The following USP9X variants were observed in gnomAD, a reference collection of about 807,000 sequenced individuals.
USP9X encodes ubiquitin specific peptidase 9 X-linked.
In USP9X, 7 loss-of-function variants were observed where a neutral mutation model predicts 190.3. The observed-to-expected ratio is 0.04, with a 90% CI of 0.02 to 0.07. USP9X has a LOEUF of 0.07. Ranked by LOEUF, USP9X falls within the 10% of genes least tolerant of loss-of-function variation. The pLI, the probability that USP9X is intolerant of heterozygous loss-of-function variation, is 1.00. For missense variants in USP9X, 1,010 were observed against 1,916.9 expected (o/e 0.53, Z 8.83); for synonymous variants, 645 against 659.5 (o/e 0.98, Z 0.34).
intron 21 of USP9X, among the ~76,000 whole-genome samples, chrX:41,182,440 C>T (rs2062835951): frequency 9.1e-6 from 1 of 109,514 alleles, no homozygotes; most frequent in African/African-American, 3.3e-5. Flanking sequence ...CTCCTACTCC[C>T]CTTTGCCTCC....
At chrX:41,226,573 G>A (rs950204373) in intron 41 of USP9X, among the ~76,000 whole-genome samples, 2 of 112,055 alleles carry the variant, frequency 1.8e-5, no homozygotes, top group Non-Finnish European at 3.8e-5. Flanking sequence ...TGGGGATTGC[G>A]AAAGCCAGAA....
intron 26 of USP9X, among the ~76,000 whole-genome samples, chrX:41,193,626 T>C (rs1471110032): frequency 8.9e-6 from 1 of 111,901 alleles, no homozygotes; most frequent in African/African-American, 3.3e-5. Context: ...ATCGTGCCAC[T>C]GCACTCTAGC....
chrX:41,202,538 A>G (rs2063052484), intron 31 of USP9X, among the ~76,000 whole-genome samples: 1 of 111,689 alleles, frequency 9.0e-6, no homozygotes, highest in Admixed American at 9.6e-5. Flanking sequence ...CAGTTGCCAG[A>G]ACTGATTTTG....
intron 41 of USP9X, among the ~76,000 whole-genome samples, chrX:41,227,488 C>A (rs2063323874): frequency 9.0e-6 from 1 of 111,685 alleles, no homozygotes; most frequent in Non-Finnish European, 1.9e-5. Flanking sequence ...ATCATGAATG[C>A]ATTTGATGGA....
At chrX:41,207,088 T>TA (rs2147219314) in intron 32 of USP9X, among the ~76,000 whole-genome samples, 1 of 84,113 alleles carries the variant, frequency 1.2e-5, no homozygotes, top group African/African-American at 4.5e-5. Context: ...CCTTTTTTTT[T>TA]TTTTTTTTTT....
Position 41,123,513 on chromosome X carries a change from AC to A in USP9X, c.-114del. The A allele has an allele frequency of 1.7e-6, 1 of 587,660 alleles. No individual in the cohort carries two copies. Among genetic ancestry groups the A allele is most frequent in the East Asian group, 3.6e-5 (1 of 27,535 alleles). The allele number at this position is 587,660 out of a possible 1,213,427, so 48.4% of individuals were successfully genotyped here. ...GCAAGATGGTTTATTCTTGAATTGG[AC>A]CTTTTTAAGACTGACAAATGCTGGT... On this transcript the variant is annotated 5_prime_UTR_variant, in exon 2 of 45. It introduces an in-frame stop codon into an upstream open reading frame of the 5' UTR. Coordinates refer to ENST00000378308, the MANE Select transcript of USP9X (RefSeq NM_001039591.3).
At chrX:41,129,275 T>C (rs2062286544) in intron 3 of USP9X, 130 bp downstream of exon 3, 1 of 651,103 alleles carries the variant, frequency 1.5e-6, no homozygotes, top group African/African-American at 2.3e-5. Context: ...ATTTAATAAA[T>C]GAAAGGGAGT....
At chrX:41,203,744 C>T (rs1264508874) in intron 31 of USP9X, among the ~76,000 whole-genome samples, 1 of 111,023 alleles carries the variant, frequency 9.0e-6, no homozygotes, top group Non-Finnish European at 1.9e-5. Context: ...GTCACACAGG[C>T]TGGAGTGCAG....
chrX:41,191,901 A>G (rs2062939043), intron 26 of USP9X, among the ~76,000 whole-genome samples: 1 of 111,826 alleles, frequency 8.9e-6, no homozygotes, highest in African/African-American at 3.3e-5. Context: ...TGTGCATAAA[A>G]GTAGAAGATG....
chrX:41,170,288 G>A (rs1031514337), intron 19 of USP9X, 53 bp downstream of exon 19: 18 of 1,141,606 alleles, frequency 1.6e-5, no homozygotes, highest in East Asian at 1.2e-4. Flanking sequence ...AGAGACTATC[G>A]TTTAATCAGT....
At chrX:41,173,918 C>T (rs1263549679) in intron 21 of USP9X, among the ~76,000 whole-genome samples, 1 of 111,979 alleles carries the variant, frequency 8.9e-6, no homozygotes, top group East Asian at 2.8e-4. Flanking sequence ...CAGATAATGA[C>T]GTTTCAGTCA....
At chrX:41,128,957 T>C (rs906242818) in intron 2 of USP9X, 43 bp from the exon 3 acceptor site, 7 of 1,169,930 alleles carry the variant, frequency 6.0e-6, no homozygotes, top group South Asian at 3.7e-5. Flanking sequence ...ATTTTACATA[T>C]GTTATAGAAA....
chrX:41,214,475 TTAAAA>T (rs920991314), intron 33 of USP9X, 88 bp from the exon 34 acceptor site: 17 of 891,286 alleles, frequency 1.9e-5, no homozygotes, highest in Non-Finnish European at 2.2e-5. Context: ...AAAGTATAAT[TTAAAA>T]AAAAAAGGCA....
chrX:41,181,484 T>G (rs1422006944), intron 21 of USP9X, among the ~76,000 whole-genome samples: 2 of 87,612 alleles, frequency 2.3e-5, no homozygotes, highest in African/African-American at 8.5e-5. Context: ...AGTCTCACAC[T>G]GTCGCCCAGG....
chrX:41,112,835 G>T (rs867510082), intron 1 of USP9X, among the ~76,000 whole-genome samples: 3 of 112,568 alleles, frequency 2.7e-5, no homozygotes, highest in Non-Finnish European at 5.6e-5. Flanking sequence ...TTAGAGTCAA[G>T]ATTATCCCCT....
intron 1 of USP9X, among the ~76,000 whole-genome samples, chrX:41,119,537 C>T (rs1018751874): frequency 3.6e-5 from 4 of 110,658 alleles, no homozygotes; most frequent in African/African-American, 1.3e-4. Flanking sequence ...GAGCATCATC[C>T]CTTGGAGAGG....
chrX:41,158,641 G>GA (rs2062600556), intron 14 of USP9X, among the ~76,000 whole-genome samples: 2 of 110,686 alleles, frequency 1.8e-5, no homozygotes, highest in African/African-American at 3.3e-5. Context: ...GAATTTGCAG[G>GA]AAAAAAATAC....
rs1383775675 is a variant in USP9X, at chrX:41,227,819, GC to G, written c.7062-1432del. Among the ~76,000 whole-genome samples, 4 of 110,817 alleles carry G rather than the reference GC, an allele frequency of 3.6e-5. No homozygotes were observed. The South Asian group carries it at 1.5e-3, about 42-fold the overall frequency. ...GGGTTTACGCCATTCTCCTGTCTCA[GC>G]CTCCCGAGTAGCTGGGACTACAGGT... On this transcript the variant is annotated intron_variant, in intron 41 of 44. Transcript: ENST00000378308.
rs146655331 is a variant in USP9X, at chrX:41,144,259, G to T, written c.1315-263G>T. ...TTTTGAGATGGAGTTTTGTTCTGTT[G>T]CCCAGGCTGGAGTACAGTGGCTCGA... On this transcript the variant is annotated intron_variant, in intron 10 of 44. Transcript: ENST00000378308. 0.17 allele frequency among the ~76,000 whole-genome samples: 14,992 copies of T among 89,231 alleles called. 1,139 individuals are homozygous for T. Among genetic ancestry groups the T allele is most frequent in the East Asian group, 0.42 (1,265 of 3,021 alleles). 77.5% of individuals were successfully genotyped at this position (89,231 alleles called of 115,157 possible).
Sources: gnomAD v4.1 joint callset for allele counts (sites outside exome capture counted in the v4.1 genomes callset) on GRCh38, gnomAD v4.1.1 for gene constraint, MANE v1.5 for transcripts, NCBI Gene and HGNC (gene_info 2026-07-23, HGNC 2026-07-21) for gene names.